Variants in IFT122 observed in about 807,000 individuals in gnomAD.
IFT122 encodes the protein intraflagellar transport 122.
A neutral mutation model predicts 161.6 loss-of-function variants in IFT122; 118 were observed. The ratio of observed to expected loss-of-function variants is 0.73; its 90% CI spans 0.63 to 0.85. The LOEUF (loss-of-function observed/expected upper bound fraction) is 0.85. IFT122 is among the 40% of genes least tolerant of loss of function. IFT122 has a pLI of 0.00. For synonymous variants in IFT122, 550 were observed against 602.4 expected, an observed-to-expected ratio of 0.91 and a Z score of 1.27; for missense variants, 1,381 against 1,579.6, an observed-to-expected ratio of 0.87 and a Z score of 2.13.
chr3:129,502,570 T>C, intron 19 of IFT122, 141 bp from the exon 20 acceptor site: 1 of 933,988 alleles, frequency 1.1e-6, no homozygotes, highest in Non-Finnish European at 1.7e-6. Flanking sequence ...TGTGTATTCA[T>C]GCATTTAATA....
chr3:129,465,114 A>AGT (rs56116340), intron 7 of IFT122, among the ~76,000 whole-genome samples: 6,930 of 142,242 alleles, frequency 0.049, 210 homozygotes, highest in Middle Eastern at 0.13. Flanking sequence ...CATGTATATG[A>AGT]GTGTGTGTGT....
At chr3:129,445,867 C>T (rs1347663269) in intron 1 of IFT122, among the ~76,000 whole-genome samples, 1 of 152,208 alleles carries the variant, frequency 6.6e-6, no homozygotes, top group African/African-American at 2.4e-5. Context: ...GAAGTACTGT[C>T]ATTGAGAGTG....
chr3:129,474,018 G>A (rs2077644352), intron 9 of IFT122, among the ~76,000 whole-genome samples: 1 of 152,302 alleles, frequency 6.6e-6, no homozygotes, highest in South Asian at 2.1e-4. Flanking sequence ...AGAATTTTTA[G>A]TTTTCTTGTT....
chr3:129,495,484 T>G lies in IFT122; in HGVS notation c.2085T>G (p.Phe695Leu), dbSNP rs1156923622. ...GGGGAGAGACCAACAATGACCTGTT[T>G]CTGGCAGATGTGTTTTCCTACCAGG... is the stretch of plus-strand genomic sequence containing the variant. ...KKRGETNNDL[F>L]LADVFSYQGK... Residue 695 changes from phenylalanine to leucine, a missense_variant, in exon 18 of 30, where the codon TTT (phenylalanine) becomes TTG (leucine). Coordinates refer to ENST00000348417, the MANE Select transcript of IFT122 (RefSeq NM_052989.3). 6.2e-7 allele frequency: 1 copy of G among 1,614,050 alleles called. No homozygotes were observed. The highest frequency in any genetic ancestry group is 2.2e-5 in the East Asian group (1 of 44,894).
chr3:129,500,035 TC>T lies in IFT122; in HGVS notation c.2343del (p.Ile781MetfsTer13). 6.2e-7 allele frequency: 1 copy of T among 1,614,182 alleles called. No homozygotes were observed. The highest frequency in any genetic ancestry group is 8.5e-7 in the Non-Finnish European group (1 of 1,180,034). On this transcript the variant is annotated frameshift_variant, in exon 19 of 30. Transcript: ENST00000348417. LOFTEE classifies it high-confidence loss of function. Reference protein sequence around the residue: ...YISAGEHVKAIEICGDHGWVD... With the variant: ...YISAGEHVKAXEICGDHGWVD... ...TCAGCAGGAGAGCACGTCAAGGCCA[TC>T]GAGATCTGTGGTGACCATGGCTGGG... is the stretch of plus-strand genomic sequence containing the variant.
intron 15 of IFT122, chr3:129,487,721 C>T (rs1208541327): frequency 1.1e-5 from 2 of 187,840 alleles, no homozygotes; most frequent in Non-Finnish European, 2.2e-5. Context: ...GACTGGGGTT[C>T]TGCTGAGGGA....
At chr3:129,489,340 C>T (rs890629790) in intron 16 of IFT122, among the ~76,000 whole-genome samples, 31 of 152,140 alleles carry the variant, frequency 2.0e-4, no homozygotes, top group African/African-American at 7.5e-4. Context: ...CCCAGTCCTC[C>T]CAGTTCTGAA....
intron 8 of IFT122, among the ~76,000 whole-genome samples, chr3:129,468,493 C>T (rs369326327): frequency 4.6e-5 from 7 of 152,228 alleles, no homozygotes; most frequent in East Asian, 1.9e-4. Flanking sequence ...TACAGACACG[C>T]GACACCACGC....
intron 20 of IFT122, 196 bp from the exon 21 acceptor site, chr3:129,504,123 T>C: frequency 1.8e-6 from 1 of 568,774 alleles, no homozygotes; most frequent in Admixed American, 2.8e-5. Flanking sequence ...TGCATATTGC[T>C]GTTAATTGCC....
At chr3:129,463,021 A>T (rs1317222963) in intron 5 of IFT122, 1 of 153,572 alleles carries the variant, frequency 6.5e-6, no homozygotes, top group Non-Finnish European at 1.5e-5. Context: ...CAAATCCCTG[A>T]AAAGTTGGCT....
intron 26 of IFT122, 82 bp from the exon 27 acceptor site, chr3:129,517,387 A>G: frequency 6.3e-7 from 1 of 1,584,648 alleles, no homozygotes; most frequent in East Asian, 2.3e-5. Flanking sequence ...TTGAGAAGCA[A>G]CTCTGTGGTC....
chr3:129,495,010 T>C (rs1299288711), intron 17 of IFT122, among the ~76,000 whole-genome samples: 2 of 152,196 alleles, frequency 1.3e-5, no homozygotes, highest in African/African-American at 4.8e-5. Flanking sequence ...TCCTATTTTA[T>C]TGGTCTCCCT....
At chr3:129,474,291 TGAACTTAA>T (rs1559900838) in intron 9 of IFT122, among the ~76,000 whole-genome samples, 2 of 152,358 alleles carry the variant, frequency 1.3e-5, no homozygotes, top group South Asian at 4.1e-4. Context: ...ATTTGTAAAT[TGAACTTAA>T]GAACTTAAGG....
In IFT122 at chr3:129,514,818, C is replaced by T. The variant is rs2083285104; in HGVS notation, c.3153+264C>T. The T allele has an allele frequency of 1.2e-5, 7 of 570,704 alleles. No individual in the cohort carries two copies. The South Asian group carries it at 1.4e-4, about 11-fold the overall frequency. 35.4% of individuals were successfully genotyped at this position (570,704 alleles called of 1,614,324 possible). On this transcript the variant is annotated intron_variant, in intron 25 of 29. Transcript: ENST00000348417. ...CTGGCCTCCCTTGCTCCTTGCCCTC[C>T]CCTAGGCAAGCCCCACACCTCTGTG...
In IFT122 at chr3:129,468,378, C is replaced by G. The variant is rs192283193; in HGVS notation, c.741-964C>G. On this transcript the variant is annotated intron_variant, in intron 8 of 29. Coordinates refer to ENST00000348417, the MANE Select transcript of IFT122 (RefSeq NM_052989.3). ...TTTTTTTTTGTGACAGAGTCTGGCTCTGTCACCTGGGCTGGAGTGCAGTGG... is the reference window on the plus strand; with the variant it reads ...TTTTTTTTTGTGACAGAGTCTGGCTGTGTCACCTGGGCTGGAGTGCAGTGG... 2.0e-3 allele frequency among the ~76,000 whole-genome samples: 301 copies of G among 151,934 alleles called. 1 individual carries two copies. Among genetic ancestry groups the G allele is most frequent in the Non-Finnish European group, 3.1e-3 (213 of 67,948 alleles).
At chr3:129,459,767 TCC>T (rs2076026899) in intron 4 of IFT122, among the ~76,000 whole-genome samples, 1 of 141,456 alleles carries the variant, frequency 7.1e-6, no homozygotes. Flanking sequence ...CTTCCTTCCT[TCC>T]TTCCTTTCTT....
rs753626217 is a variant in IFT122 at position 129,461,308 on chromosome 3, C to T, written c.349+4C>T. 37 of 1,603,428 alleles carry T rather than the reference C, an allele frequency of 2.3e-5. No homozygotes were observed. Among genetic ancestry groups the T allele is most frequent in the South Asian group, 1.4e-4 (13 of 90,860 alleles). On this transcript the variant is annotated splice_donor_region_variant and intron_variant, in intron 5 of 29. Transcript: ENST00000348417. ...TCTTGTTCCTCCAGTGACTTTGGTA[C>T]GTTCTGATTCCTGATGTCCTGTCCT... is the stretch of plus-strand genomic sequence containing the variant.
At chr3:129,512,792 A>G (rs1033717369) in intron 24 of IFT122, 1 of 336,140 alleles carries the variant, frequency 3.0e-6, no homozygotes, top group African/African-American at 2.1e-5. Flanking sequence ...CAGCCCAGGT[A>G]TACATAGCAC....
intron 16 of IFT122, among the ~76,000 whole-genome samples, chr3:129,490,538 T>C (rs773725932): frequency 2.0e-5 from 3 of 152,178 alleles, no homozygotes; most frequent in Non-Finnish European, 4.4e-5. Context: ...CGGAAACAGA[T>C]TTATTAATGG....
Sources: allele counts gnomAD v4.1 joint callset (sites outside exome capture counted in the v4.1 genomes callset), GRCh38; gene constraint gnomAD v4.1.1; transcripts MANE v1.5; gene names NCBI Gene and HGNC (gene_info 2026-07-23, HGNC 2026-07-21).